SYT16: variants seen among roughly 807,000 people sequenced by gnomAD.
SYT16 encodes synaptotagmin 16, also known as synaptotagmin-16.
A neutral mutation model predicts 61.4 loss-of-function variants in SYT16; 42 were observed. That is an observed-to-expected ratio of 0.68 (90% CI 0.53 to 0.89). The LOEUF (loss-of-function observed/expected upper bound fraction) is 0.89. SYT16 is among the 40% of genes least tolerant of loss of function. SYT16 has a pLI of 0.00. For missense variants in SYT16, 804 were observed against 807.3 expected, an observed-to-expected ratio of 1.00 and a Z score of 0.05; for synonymous variants, 314 against 302.3, an observed-to-expected ratio of 1.04 and a Z score of -0.40.
intron 1 of SYT16, among the ~76,000 whole-genome samples, chr14:61,954,783 G>A (rs1308266601): frequency 6.6e-6 from 1 of 151,800 alleles, no homozygotes; most frequent in Admixed American, 6.6e-5. Context: ...TGCTCTGTTC[G>A]GTGTTACACA....
At chr14:62,087,922 C>G (rs527473916) in intron 7 of SYT16, among the ~76,000 whole-genome samples, 1 of 152,170 alleles carries the variant, frequency 6.6e-6, no homozygotes, top group South Asian at 2.1e-4. Flanking sequence ...TCTGCCGGCT[C>G]CAACCAGAGC....
chr14:62,068,442 T>C (rs1019775162), intron 3 of SYT16, among the ~76,000 whole-genome samples: 2 of 152,096 alleles, frequency 1.3e-5, no homozygotes, highest in Admixed American at 1.3e-4. Flanking sequence ...TAGGGATGCA[T>C]GTCAAAGTAT....
At position 61,869,732 on chromosome 14, in the gene SYT16, A is replaced by ACCCTAATC. The variant is rs1444440273; in HGVS notation, c.-325+56922_-325+56923insCCCTAATC. Reference sequence around the variant, plus strand: ...AGAGAATGGATCCCTCATGAATGAGATTAGGGTCCTTATAATAAGAGACAT... The same window carrying ACCCTAATC: ...AGAGAATGGATCCCTCATGAATGAGACCCTAATCTTAGGGTCCTTATAATAAGAGACAT... On this transcript the variant is annotated intron_variant, in intron 1 of 7. Transcript: ENST00000683842. Among the ~76,000 whole-genome samples, 581 of 152,292 alleles carry ACCCTAATC rather than the reference A, an allele frequency of 3.8e-3. 6 individuals are homozygous for ACCCTAATC. The highest frequency in any genetic ancestry group is 0.013 in the African/African-American group (550 of 41,562).
intron 3 of SYT16, among the ~76,000 whole-genome samples, chr14:62,009,877 C>T (rs1025534179): frequency 6.6e-6 from 1 of 152,078 alleles, no homozygotes; most frequent in Non-Finnish European, 1.5e-5. Context: ...GTGGTGCTTC[C>T]GATTTCTGAT....
chr14:61,934,244 T>A (rs1052437700), intron 1 of SYT16, among the ~76,000 whole-genome samples: 1 of 152,224 alleles, frequency 6.6e-6, no homozygotes, highest in African/African-American at 2.4e-5. Context: ...TGATTTCTAT[T>A]TTTCTATTTC....
intron 1 of SYT16, among the ~76,000 whole-genome samples, chr14:61,866,824 C>A (rs1242497550): frequency 6.6e-6 from 1 of 152,016 alleles, no homozygotes; most frequent in East Asian, 1.9e-4. Context: ...CAGAAGAAAT[C>A]TTTGCCTAAT....
At position 61,869,729 on chromosome 14, in the gene SYT16, GA is replaced by G. The variant is rs530242474; in HGVS notation, c.-325+56920del. Among the ~76,000 whole-genome samples the G allele has an allele frequency of 3.8e-3, 580 of 152,274 alleles. 6 individuals are homozygous for G. The highest frequency in any genetic ancestry group is 0.013 in the African/African-American group (549 of 41,546). On this transcript the variant is annotated intron_variant, in intron 1 of 7. Transcript: ENST00000683842. The stretch of plus-strand genomic sequence containing the variant: ...TCAAGAGAATGGATCCCTCATGAAT[GA>G]GATTAGGGTCCTTATAATAAGAGAC...
chr14:61,831,889 TC>T (rs926726995), intron 1 of SYT16: 17 of 482,504 alleles, frequency 3.5e-5, no homozygotes, highest in African/African-American at 3.2e-4. Context: ...CTTGTCATAG[TC>T]CCACTTGGCT....
intron 5 of SYT16, among the ~76,000 whole-genome samples, chr14:62,076,068 A>G (rs984332927): frequency 6.6e-6 from 1 of 152,208 alleles, no homozygotes; most frequent in Non-Finnish European, 1.5e-5. Context: ...GTAACAATCA[A>G]TCCAGAGATA....
intron 3 of SYT16, among the ~76,000 whole-genome samples, chr14:61,999,399 A>G (rs1033408852): frequency 1.1e-4 from 16 of 151,688 alleles, no homozygotes; most frequent in African/African-American, 3.9e-4. Flanking sequence ...GAAGTTATGG[A>G]CATAGTAGTT....
intron 3 of SYT16, among the ~76,000 whole-genome samples, chr14:62,028,305 C>G (rs1191054712): frequency 2.0e-5 from 3 of 152,168 alleles, no homozygotes; most frequent in Non-Finnish European, 2.9e-5. Flanking sequence ...ACTATCGCTT[C>G]CTGAAAGCCT....
At chr14:62,023,677 C>T (rs2053994676) in intron 3 of SYT16, among the ~76,000 whole-genome samples, 2 of 152,152 alleles carry the variant, frequency 1.3e-5, no homozygotes, top group African/African-American at 4.8e-5. Context: ...TTAAGTCCTA[C>T]CTGTGCCAGT....
intron 1 of SYT16, among the ~76,000 whole-genome samples, chr14:61,944,785 C>G (rs1236071076): frequency 1.3e-5 from 2 of 152,136 alleles, no homozygotes; most frequent in Non-Finnish European, 2.9e-5. Context: ...CATACAAACC[C>G]TAGAAGAAAA....
At chr14:62,038,345 C>G (rs910494841) in intron 3 of SYT16, among the ~76,000 whole-genome samples, 9 of 151,418 alleles carry the variant, frequency 5.9e-5, no homozygotes, top group Admixed American at 1.3e-4. Context: ...ACTCTAGCAG[C>G]AGCAAAATCC....
At chr14:62,006,997 C>T (rs1365758707) in intron 3 of SYT16, among the ~76,000 whole-genome samples, 2 of 152,124 alleles carry the variant, frequency 1.3e-5, no homozygotes, top group East Asian at 1.9e-4. Context: ...TGATATTTGA[C>T]TTTTCAACCA....
intron 1 of SYT16, chr14:61,865,193 G>T: frequency 8.8e-7 from 1 of 1,131,206 alleles, no homozygotes; most frequent in South Asian, 1.3e-5. Flanking sequence ...TTCTGTCACT[G>T]ACTATAAGCG....
intron 1 of SYT16, among the ~76,000 whole-genome samples, chr14:61,881,285 A>G (rs1326595373): frequency 6.6e-6 from 1 of 152,204 alleles, no homozygotes; most frequent in Non-Finnish European, 1.5e-5. Context: ...CTTTCTAGCC[A>G]GTGCTCCATT....
chr14:61,838,466 T>C (rs17099259), intron 1 of SYT16, among the ~76,000 whole-genome samples: 4,991 of 152,244 alleles, frequency 0.033, 161 homozygotes, highest in African/African-American at 0.089. Flanking sequence ...GAATGCACCA[T>C]GTCCATCTAC....
chr14:62,059,157 C>CA (rs1471220849), intron 3 of SYT16, among the ~76,000 whole-genome samples: 1 of 151,916 alleles, frequency 6.6e-6, no homozygotes, highest in Non-Finnish European at 1.5e-5. Flanking sequence ...ATAATCTGTA[C>CA]AAAAAAACCC....
Sources: allele counts gnomAD v4.1 joint callset (sites outside exome capture counted in the v4.1 genomes callset), GRCh38; gene constraint gnomAD v4.1.1; transcripts MANE v1.5; gene names NCBI Gene and HGNC (gene_info 2026-07-23, HGNC 2026-07-21).